Variants in NLGN1 observed in about 807,000 individuals in gnomAD.
NLGN1 encodes neuroligin 1, also known as neuroligin-1.
NLGN1 carries 12 observed loss-of-function variants against 65.5 expected under a neutral mutation model. The ratio of observed to expected loss-of-function variants is 0.18; its 90% CI spans 0.12 to 0.30. The LOEUF (loss-of-function observed/expected upper bound fraction) is 0.30. NLGN1 is among the 10% of genes least tolerant of loss of function. The pLI, the probability that NLGN1 is intolerant of heterozygous loss-of-function variation, is 1.00. For missense variants in NLGN1, 750 were observed against 1,007.1 expected (o/e 0.74, Z 3.46); for synonymous variants, 350 against 359.5 (o/e 0.97, Z 0.30).
At chr3:173,488,312 C>G (rs1308017345) in intron 2 of NLGN1, among the ~76,000 whole-genome samples, 2 of 150,998 alleles carry the variant, frequency 1.3e-5, no homozygotes, top group South Asian at 4.2e-4. Context: ...CTAAAACATA[C>G]TCTTTGTTCA....
intron 4 of NLGN1, among the ~76,000 whole-genome samples, chr3:174,200,321 T>C (rs915716673): frequency 1.3e-5 from 2 of 152,210 alleles, no homozygotes; most frequent in Non-Finnish European, 2.9e-5. Context: ...GCTATTCAAC[T>C]TCTAAGGCTT....
At chr3:174,103,101 G>T (rs1712914326) in intron 4 of NLGN1, among the ~76,000 whole-genome samples, 1 of 152,200 alleles carries the variant, frequency 6.6e-6, no homozygotes, top group Admixed American at 6.6e-5. Context: ...TCAGCTTGCA[G>T]TTGTACTTGT....
At chr3:173,504,882 A>G (rs1731739994) in intron 2 of NLGN1, among the ~76,000 whole-genome samples, 1 of 151,890 alleles carries the variant, frequency 6.6e-6, no homozygotes, top group Non-Finnish European at 1.5e-5. Flanking sequence ...TTCGTGTTGG[A>G]CTTCCTCAAG....
At chr3:174,168,568 C>T (rs1727954416) in intron 4 of NLGN1, among the ~76,000 whole-genome samples, 1 of 152,068 alleles carries the variant, frequency 6.6e-6, no homozygotes, top group Admixed American at 6.6e-5. Context: ...TCCTACAAGC[C>T]CATAAATGTC....
At position 174,107,017 on chromosome 3, in the gene NLGN1, C is replaced by CACACAGAG. The variant is rs773314392; in HGVS notation, c.647-168297_647-168296insCACAGAGA. On this transcript the variant is annotated intron_variant, in intron 4 of 6. Coordinates refer to ENST00000457714, the Ensembl canonical transcript of NLGN1. The stretch of plus-strand genomic sequence containing the variant: ...ACACACACACACACACACACACACA[C>CACACAGAG]AGAGAGAGAGAGAGAGAGAGAGAGA... Among the ~76,000 whole-genome samples, 155 of 97,672 alleles carry CACACAGAG rather than the reference C, an allele frequency of 1.6e-3. No homozygotes were observed. The Middle Eastern group carries it at 0.033, about 21-fold the overall frequency. 64.1% of individuals were successfully genotyped at this position (97,672 alleles called of 152,430 possible).
intron 2 of NLGN1, among the ~76,000 whole-genome samples, chr3:173,438,581 A>C (rs980784047): frequency 1.3e-5 from 2 of 152,138 alleles, no homozygotes; most frequent in Non-Finnish European, 2.9e-5. Context: ...TATAATTATG[A>C]ATCACTGATA....
chr3:173,695,533 T>G, intron 3 of NLGN1: 2 of 351,338 alleles, frequency 5.7e-6, no homozygotes, highest in Non-Finnish European at 1.1e-5. Context: ...ATATTCAAAT[T>G]TTTTATCTTA....
chr3:173,958,115 C>T (rs1164883189), intron 4 of NLGN1, among the ~76,000 whole-genome samples: 1 of 152,148 alleles, frequency 6.6e-6, no homozygotes, highest in African/African-American at 2.4e-5. Flanking sequence ...TTGGGGAGCT[C>T]CTAGGTCTGG....
intron 3 of NLGN1, among the ~76,000 whole-genome samples, chr3:173,646,499 A>C (rs182417067): frequency 6.6e-6 from 1 of 152,220 alleles, no homozygotes; most frequent in Non-Finnish European, 1.5e-5. Flanking sequence ...AAAAGATTTG[A>C]AGTGTTTCCA....
chr3:173,582,134 G>A (rs577510931), intron 2 of NLGN1, among the ~76,000 whole-genome samples: 46 of 152,022 alleles, frequency 3.0e-4, no homozygotes, highest in Middle Eastern at 3.4e-3. Context: ...AACATCCTTT[G>A]TTGTTGTTGC....
At chr3:173,436,568 A>G (rs1718173468) in intron 2 of NLGN1, among the ~76,000 whole-genome samples, 1 of 152,132 alleles carries the variant, frequency 6.6e-6, no homozygotes, top group Admixed American at 6.5e-5. Context: ...TTAATTCCAT[A>G]TCTACAGGTT....
chr3:174,204,776 A>G (rs1057034962), intron 4 of NLGN1, among the ~76,000 whole-genome samples: 2 of 152,236 alleles, frequency 1.3e-5, no homozygotes, highest in African/African-American at 4.8e-5. Flanking sequence ...TATATTACCT[A>G]CCACAACTTT....
chr3:174,221,421 A>G (rs1424862422), intron 4 of NLGN1, among the ~76,000 whole-genome samples: 1 of 152,046 alleles, frequency 6.6e-6, no homozygotes, highest in Non-Finnish European at 1.5e-5. Flanking sequence ...TTATCCTCAT[A>G]AAGTTAGAGG....
At chr3:173,893,077 G>C (rs1735656592) in intron 4 of NLGN1, among the ~76,000 whole-genome samples, 1 of 152,142 alleles carries the variant, frequency 6.6e-6, no homozygotes, top group African/African-American at 2.4e-5. Flanking sequence ...CCACACTTTT[G>C]TGAGAAATCA....
intron 4 of NLGN1, among the ~76,000 whole-genome samples, chr3:173,927,102 C>T (rs1346670607): frequency 6.6e-6 from 1 of 152,058 alleles, no homozygotes; most frequent in African/African-American, 2.4e-5. Context: ...TCACTCTTGT[C>T]ACCCAGGCTG....
intron 4 of NLGN1, among the ~76,000 whole-genome samples, chr3:174,234,827 T>C (rs1421105832): frequency 2.0e-5 from 3 of 151,964 alleles, no homozygotes; most frequent in Non-Finnish European, 4.4e-5. Context: ...AGCACCAAAT[T>C]AACGTAAAAC....
chr3:173,491,055 C>A, intron 2 of NLGN1, among the ~76,000 whole-genome samples: 1 of 151,854 alleles, frequency 6.6e-6, no homozygotes, highest in Admixed American at 6.6e-5. Flanking sequence ...GACAATTTGA[C>A]TTCCTCTTTT....
chr3:174,168,434 A>G (rs1577190477), intron 4 of NLGN1, among the ~76,000 whole-genome samples: 1 of 150,974 alleles, frequency 6.6e-6, no homozygotes, highest in East Asian at 1.9e-4. Flanking sequence ...TTCTCTTTCT[A>G]TTTTCCCCCT....
At chr3:174,102,957 T>TG (rs1382927711) in intron 4 of NLGN1, among the ~76,000 whole-genome samples, 1 of 152,140 alleles carries the variant, frequency 6.6e-6, no homozygotes, top group African/African-American at 2.4e-5. Flanking sequence ...TTGAAGTAAA[T>TG]GAAGCAACTT....
Sources: allele counts gnomAD v4.1 joint callset (sites outside exome capture counted in the v4.1 genomes callset), GRCh38; gene constraint gnomAD v4.1.1; transcripts MANE v1.5; gene names NCBI Gene and HGNC (gene_info 2026-07-23, HGNC 2026-07-21).